Variants in RREB1 observed in about 807,000 individuals in gnomAD.
RREB1 encodes ras responsive element binding protein 1, also known as ras-responsive element-binding protein 1.
A neutral mutation model predicts 117.8 loss-of-function variants in RREB1; 27 were observed. The observed-to-expected ratio is 0.23, with a 90% confidence interval of 0.17 to 0.32. The LOEUF (loss-of-function observed/expected upper bound fraction) is 0.32, where lower values mean the gene tolerates loss of function less well. Ranked by LOEUF, RREB1 falls within the 10% of genes least tolerant of loss-of-function variation. The pLI is 1.00. For missense variants in RREB1, 2,577 were observed against 2,378.2 expected, an observed-to-expected ratio of 1.08 and a Z score of -1.74; for synonymous variants, 1,298 against 1,026.7, an observed-to-expected ratio of 1.26 and a Z score of -5.05.
chr6:7,116,195 C>T (rs1761389976), intron 1 of RREB1, among the ~76,000 whole-genome samples: 1 of 152,200 alleles, frequency 6.6e-6, no homozygotes, highest in Non-Finnish European at 1.5e-5. Flanking sequence ...ATACAAGGAA[C>T]TTCGTCTGCT....
chr6:7,208,107 T>C (rs750632957), intron 6 of RREB1, among the ~76,000 whole-genome samples: 2 of 152,162 alleles, frequency 1.3e-5, no homozygotes, highest in Middle Eastern at 3.2e-3. Flanking sequence ...GCGTGGAAAT[T>C]AGACAAATTA....
intron 1 of RREB1, among the ~76,000 whole-genome samples, chr6:7,136,359 T>C (rs1382946755): frequency 6.6e-6 from 1 of 152,152 alleles, no homozygotes; most frequent in African/African-American, 2.4e-5. Context: ...CTAGGATTTC[T>C]CCCCCCTTCA....
At chr6:7,164,636 G>T (rs1763837105) in intron 1 of RREB1, among the ~76,000 whole-genome samples, 1 of 152,142 alleles carries the variant, frequency 6.6e-6, no homozygotes, top group Non-Finnish European at 1.5e-5. Flanking sequence ...ACAAAAGAGT[G>T]GATTTTGCTG....
At chr6:7,144,216 T>C (rs1453227393) in intron 1 of RREB1, among the ~76,000 whole-genome samples, 1 of 152,194 alleles carries the variant, frequency 6.6e-6, no homozygotes, top group East Asian at 1.9e-4. Flanking sequence ...GAACTTAAGA[T>C]CTTAAATGTT....
At chr6:7,210,287 A>G (rs992711768) in intron 6 of RREB1, among the ~76,000 whole-genome samples, 3 of 152,216 alleles carry the variant, frequency 2.0e-5, no homozygotes, top group African/African-American at 7.2e-5. Flanking sequence ...GGTCTTAAGC[A>G]CTCTGGACAT....
At chr6:7,161,878 C>T (rs1249489567) in intron 1 of RREB1, among the ~76,000 whole-genome samples, 2 of 152,194 alleles carry the variant, frequency 1.3e-5, no homozygotes, top group Admixed American at 6.5e-5. Flanking sequence ...GGTTATATAC[C>T]TCTGATTGTC....
At chr6:7,156,574 C>G (rs367872527) in intron 1 of RREB1, among the ~76,000 whole-genome samples, 7 of 152,158 alleles carry the variant, frequency 4.6e-5, no homozygotes, top group Non-Finnish European at 8.8e-5. Flanking sequence ...AATGTGAAAG[C>G]CATTTTGGGT....
chr6:7,196,712 T>A (rs750045202), intron 6 of RREB1, among the ~76,000 whole-genome samples: 7 of 152,148 alleles, frequency 4.6e-5, no homozygotes, highest in Admixed American at 6.5e-5. Context: ...ATTTATTACT[T>A]ATATTATTTT....
chr6:7,243,840 C>A (rs1303481575), intron 11 of RREB1, among the ~76,000 whole-genome samples: 1 of 151,752 alleles, frequency 6.6e-6, no homozygotes, highest in African/African-American at 2.4e-5. Context: ...TTCTTTAAAG[C>A]TCTATCATGT....
chr6:7,140,434 A>G (rs1037908277), intron 1 of RREB1, among the ~76,000 whole-genome samples: 2 of 152,230 alleles, frequency 1.3e-5, no homozygotes, highest in Non-Finnish European at 2.9e-5. Context: ...TTCTGGAGTT[A>G]GCACAGTAAC....
At chr6:7,178,254 T>C (rs1196494480) in intron 2 of RREB1, among the ~76,000 whole-genome samples, 1 of 152,160 alleles carries the variant, frequency 6.6e-6, no homozygotes, top group African/African-American at 2.4e-5. Flanking sequence ...TCTAGGATTG[T>C]AAATATCCAG....
Position 7,137,210 on chromosome 6 carries a change from G to A in RREB1, c.-285+29150G>A, listed in dbSNP as rs1037477660. ...GGGAAGGCCTGGGTGGAGGCGGCAG[G>A]AGCAGGCAAGGGACCAAGAGAGTGC... On this transcript the variant is annotated intron_variant, in intron 1 of 12. Transcript: ENST00000379938. 4.9e-4 allele frequency among the ~76,000 whole-genome samples: 74 copies of A among 152,206 alleles called. 1 individual carries two copies. The highest frequency in any genetic ancestry group is 1.7e-3 in the African/African-American group (71 of 41,462).
intron 8 of RREB1, among the ~76,000 whole-genome samples, chr6:7,223,445 T>G (rs1477070597): frequency 2.7e-5 from 4 of 150,254 alleles, no homozygotes; most frequent in Non-Finnish European, 5.9e-5. Flanking sequence ...CCTGTAATCC[T>G]AGCTACTCAG....
chr6:7,191,633 C>T (rs770033583), intron 6 of RREB1, among the ~76,000 whole-genome samples: 4 of 152,154 alleles, frequency 2.6e-5, no homozygotes, highest in Admixed American at 6.5e-5. Context: ...TTTGTTAAGT[C>T]GTCCTGAATT....
intron 1 of RREB1, among the ~76,000 whole-genome samples, chr6:7,150,117 C>T (rs1763050546): frequency 6.6e-6 from 1 of 151,922 alleles, no homozygotes; most frequent in African/African-American, 2.4e-5. Flanking sequence ...TCTTTCTTGG[C>T]CTTGTTATAT....
At chr6:7,189,364 TG>T in intron 6 of RREB1, 42 bp downstream of exon 6, 1 of 1,527,314 alleles carries the variant, frequency 6.5e-7, no homozygotes. Flanking sequence ...GGCTGGTACT[TG>T]GAGGTTGGCA....
rs187170823 is a variant in RREB1 at position 7,247,055 on chromosome 6, G to T, written c.4605G>T (p.Ala1535=). The T allele has an allele frequency of 1.3e-5, 21 of 1,613,366 alleles. No homozygotes were observed. The highest frequency in any genetic ancestry group is 1.5e-5 in the Non-Finnish European group (18 of 1,179,834). The stretch of plus-strand genomic sequence containing the variant: ...AGGGCCCCTCCGACGGGGAGAGCGC[G>T]GCCGAGAAAAGGTCCTCAGAGAAGA... ...ETEGPSDGES[A]AEKRSSEKSD... The change falls in exon 12 of 13, where the codon GCG becomes GCT. Residue 1535 remains alanine, a synonymous_variant. Coordinates refer to ENST00000379938, the MANE Select transcript of RREB1 (RefSeq NM_001003699.4).
At chr6:7,190,256 T>TC (rs946912590) in intron 6 of RREB1, among the ~76,000 whole-genome samples, 5 of 152,202 alleles carry the variant, frequency 3.3e-5, no homozygotes, top group Non-Finnish European at 2.9e-5. Flanking sequence ...CTCTTTGTAC[T>TC]CCAGTTTCTC....
chr6:7,163,418 G>A (rs1426074213), intron 1 of RREB1, among the ~76,000 whole-genome samples: 1 of 152,080 alleles, frequency 6.6e-6, no homozygotes, highest in Non-Finnish European at 1.5e-5. Flanking sequence ...TTGAGAAAGA[G>A]TCTTGCTCTG....
Sources: gnomAD v4.1 joint callset for allele counts (sites outside exome capture counted in the v4.1 genomes callset) on GRCh38, gnomAD v4.1.1 for gene constraint, MANE v1.5 for transcripts, NCBI Gene and HGNC (gene_info 2026-07-23, HGNC 2026-07-21) for gene names.